APC2: variants seen among roughly 807,000 people sequenced by gnomAD.
APC2 encodes the protein adenomatous polyposis coli protein 2.
In APC2, 41 loss-of-function variants were observed where a neutral mutation model predicts 72.5. The ratio of observed to expected loss-of-function variants is 0.57; its 90% CI spans 0.44 to 0.73. The LOEUF (loss-of-function observed/expected upper bound fraction) is 0.73. APC2 is among the 30% of genes least tolerant of loss of function. The probability of loss-of-function intolerance (pLI) is 0.00; values close to 1 mark genes in which losing one functional copy is unlikely to be tolerated. For missense variants in APC2, 3,729 were observed against 3,403.4 expected (o/e 1.10, Z -2.38); for synonymous variants, 1,898 against 1,612.0 (o/e 1.18, Z -4.25).
chr19:1,459,043 C>T (rs1336941471), intron 10 of APC2, among the ~76,000 whole-genome samples: 1 of 152,004 alleles, frequency 6.6e-6, no homozygotes, highest in Non-Finnish European at 1.5e-5. Flanking sequence ...GTCCCCAGCC[C>T]CTGGCACCCA....
chr19:1,456,756 C>T (rs1174936343), intron 8 of APC2, 97 bp from the exon 9 acceptor site: 1 of 1,429,608 alleles, frequency 7.0e-7, no homozygotes, highest in African/African-American at 1.4e-5. Flanking sequence ...GTGGGGCTGC[C>T]CTTGGGGACG....
Position 1,468,736 on chromosome 19 carries a change from G to A in APC2, c.5435G>A (p.Arg1812His), listed in dbSNP as rs1555678951. The change falls in exon 15 of 15, where the codon CGC becomes CAC. Residue 1812 changes from arginine (R) to histidine (H), a missense_variant. Arg to His is a conservative substitution (Grantham distance 29, BLOSUM62 0). Transcript: ENST00000590469. ...RAQPKGTPGP[R>H]ATPRKVAPPC... ...CAGCCCAAAGGGACCCCCGGCCCCC[G>A]CGCCACACCGCGGAAGGTGGCGCCC... 2.0e-6 allele frequency: 3 copies of A among 1,499,180 alleles called. No homozygotes were observed. Among genetic ancestry groups the A allele is most frequent in the Non-Finnish European group, 2.7e-6 (3 of 1,121,282 alleles). The allele number at this position is 1,499,180 out of a possible 1,614,324, so 92.9% of individuals were successfully genotyped here. A position where few individuals can be genotyped will look rare whatever the true frequency, so the allele number is the denominator to read the frequency against.
chr19:1,466,237 C>G lies in APC2; in HGVS notation c.2936C>G (p.Pro979Arg), dbSNP rs770352053. 3 of 1,535,938 alleles carry G rather than the reference C, an allele frequency of 2.0e-6. No homozygotes were observed. Reference protein sequence around the residue: ...LDLPGCQAEPPAREATSADAR... With the variant: ...LDLPGCQAEPRAREATSADAR... The stretch of plus-strand genomic sequence containing the variant: ...CTGCCCGGCTGCCAGGCCGAGCCCC[C>G]GGCCCGCGAGGCCACCTCCGCCGAC... The change falls in exon 15 of 15, where the codon CCG (proline) becomes CGG (arginine). Residue 979 changes from proline (P) to arginine (R), a missense_variant. Coordinates refer to ENST00000590469, the MANE Select transcript of APC2 (RefSeq NM_005883.3).
rs1270868335 is a variant in APC2, at chr19:1,467,382, G to A, written c.4081G>A (p.Ala1361Thr). ...VPARLRKVAS[A>T]LVPGRRALPV... Reference sequence around the variant, plus strand: ...TGCCCGGCTGCGCAAGGTGGCCTCCGCGCTGGTGCCAGGTCGCCGCGCACT... The same window carrying A: ...TGCCCGGCTGCGCAAGGTGGCCTCCACGCTGGTGCCAGGTCGCCGCGCACT... The change falls in exon 15 of 15, where the codon GCG (alanine) becomes ACG (threonine). Residue 1361 changes from alanine to threonine, a missense_variant. Physicochemically the swap from Ala to Thr is moderately conservative, Grantham distance 58. Transcript: ENST00000590469. 7.4e-6 allele frequency: 11 copies of A among 1,486,222 alleles called. No homozygotes were observed. In the Admixed American group the frequency reaches 1.1e-4, roughly 15 times the overall value. 92.1% of individuals were successfully genotyped at this position (1,486,222 alleles called of 1,614,324 possible).
intron 10 of APC2, chr19:1,458,284 G>A: frequency 1.7e-6 from 1 of 576,216 alleles, no homozygotes; most frequent in Non-Finnish European, 3.1e-6. Flanking sequence ...TCTGGTCTGA[G>A]GCTTCGGGGG....
At position 1,466,619 on chromosome 19, in the gene APC2, C is replaced by A. The variant is rs868420439; in HGVS notation, c.3318C>A (p.Ser1106Arg). ...AGGGGCTGGAGGAGGCCGGCCCCAG[C>A]GAGGCTGAGCTGGACAGCACGTGGC... ...SLEGLEEAGP[S>R]EAELDSTWRA... Residue 1106 changes from serine (S) to arginine (R), a missense_variant, in exon 15 of 15, where the codon AGC (serine) becomes AGA (arginine). Coordinates refer to ENST00000590469, the MANE Select transcript of APC2 (RefSeq NM_005883.3). The A allele has an allele frequency of 3.3e-6, 5 of 1,523,270 alleles. No individual in the cohort carries two copies. Among genetic ancestry groups the A allele is most frequent in the Non-Finnish European group, 4.4e-6 (5 of 1,139,428 alleles). The allele number at this position is 1,523,270 out of a possible 1,614,324, so 94.4% of individuals were successfully genotyped here. A position where few individuals can be genotyped will look rare whatever the true frequency, so the allele number is the denominator to read the frequency against.
At chr19:1,449,575 G>A (rs575402515), upstream of APC2, among the ~76,000 whole-genome samples, 4 of 152,190 alleles carry the variant, frequency 2.6e-5, no homozygotes, top group South Asian at 8.3e-4. Flanking sequence ...CTCCGTTGGG[G>A]AGACAGGGAG....
chr19:1,467,079 A>G lies in APC2; in HGVS notation c.3778A>G (p.Ser1260Gly), dbSNP rs746352139. The G allele has an allele frequency of 3.7e-6, 6 of 1,610,908 alleles. No homozygotes were observed. In the African/African-American group the frequency reaches 8.0e-5, roughly 22 times the overall value. ...GCTGCCATCTGAGCTGGACGCAGGC[A>G]GCGTGCGCTTTACCGTGGAGAAGCC... ...CRLPSELDAG[S>G]VRFTVEKPDE... The change falls in exon 15 of 15, where the codon AGC becomes GGC. Residue 1260 changes from serine (S) to glycine (G), a missense_variant. Transcript: ENST00000590469.
Position 1,457,062 on chromosome 19 carries a change from C to T in APC2, c.1026C>T (p.Asp342=). 6.5e-7 allele frequency: 1 copy of T among 1,541,600 alleles called. No individual in the cohort carries two copies. Among genetic ancestry groups the T allele is most frequent in the Non-Finnish European group, 8.7e-7 (1 of 1,150,650 alleles). ...AGAPGAPGAK[D]ARMRANAALH... is the part of the protein sequence containing the mutation. ...CCCCAGGGGCACCGGGCGCCAAGGA[C>T]GCACGCATGCGCGCCAACGCGGCGC... is the stretch of plus-strand genomic sequence containing the variant. The change falls in exon 9 of 15, where the codon GAC becomes GAT. Residue 342 remains aspartate (D), a synonymous_variant. Coordinates refer to ENST00000590469, the MANE Select transcript of APC2 (RefSeq NM_005883.3).
In APC2 at chr19:1,460,163, C is replaced by A; in HGVS notation, c.1304-18C>A. 6.2e-7 allele frequency: 1 copy of A among 1,612,992 alleles called. No individual in the cohort carries two copies. The highest frequency in any genetic ancestry group is 8.5e-7 in the Non-Finnish European group (1 of 1,179,966). ...AGGGTCATCCCTGCCACCCACCAACCTTGTTGGGTCCTCACAGGTGGGCTG... is the reference window on the plus strand; with the variant it reads ...AGGGTCATCCCTGCCACCCACCAACATTGTTGGGTCCTCACAGGTGGGCTG... On this transcript the variant is annotated intron_variant, in intron 10 of 14. Transcript: ENST00000590469.
rs1257236020 is a variant in APC2, at chr19:1,465,538, G to A, written c.2237G>A (p.Gly746Asp). 2 of 1,530,866 alleles carry A rather than the reference G, an allele frequency of 1.3e-6. No individual in the cohort carries two copies. Among genetic ancestry groups the A allele is most frequent in the East Asian group, 2.5e-5 (1 of 40,282 alleles). The allele number at this position is 1,530,866 out of a possible 1,614,324, so 94.8% of individuals were successfully genotyped here. ...AQALEHLEKQ[G>D]PPAAEAATKK... Reference sequence around the variant, plus strand: ...GCGCTGGAGCACCTGGAGAAGCAGGGCCCGCCGGCAGCCGAGGCCGCCACT... The same window carrying A: ...GCGCTGGAGCACCTGGAGAAGCAGGACCCGCCGGCAGCCGAGGCCGCCACT... The change falls in exon 15 of 15, where the codon GGC becomes GAC. Residue 746 changes from glycine (G) to aspartate (D), a missense_variant. Physicochemically the swap from Gly to Asp is moderately conservative, Grantham distance 94. Coordinates refer to ENST00000590469, the MANE Select transcript of APC2 (RefSeq NM_005883.3).
chr19:1,469,941 C>A lies in APC2; in HGVS notation c.6640C>A (p.Pro2214Thr). The change falls in exon 15 of 15, where the codon CCC becomes ACC. Residue 2214 changes from proline to threonine, a missense_variant. Transcript: ENST00000590469. ...GTCCCCGAGCCTGGAGACCAGGGAG[C>A]CCCCCGGGGCCCCCGCCGGCGGCCA... The part of the protein sequence containing the change: ...STSPSLETRE[P>T]PGAPAGGQLS... 2.0e-6 allele frequency: 3 copies of A among 1,509,580 alleles called. No individual in the cohort carries two copies. Among genetic ancestry groups the A allele is most frequent in the Non-Finnish European group, 2.6e-6 (3 of 1,135,800 alleles). The allele number at this position is 1,509,580 out of a possible 1,614,324, so 93.5% of individuals were successfully genotyped here.
At chr19:1,465,021 C>T (rs1389181368) in intron 14 of APC2, 134 bp from the exon 15 acceptor site, 4 of 890,202 alleles carry the variant, frequency 4.5e-6, no homozygotes, top group Non-Finnish European at 6.6e-6. Flanking sequence ...TATACTTATA[C>T]CAAAAATTAG....
Position 1,457,069 on chromosome 19 carries a change from A to G in APC2, c.1033A>G (p.Met345Val). The change falls in exon 9 of 15, where the codon ATG becomes GTG. Residue 345 changes from methionine to valine, a missense_variant. Transcript: ENST00000590469. ...PGAPGAKDAR[M>V]RANAALHNIV... ...GGCACCGGGCGCCAAGGACGCACGC[A>G]TGCGCGCCAACGCGGCGCTGCACAA... The G allele has an allele frequency of 6.5e-7, 1 of 1,549,796 alleles. No homozygotes were observed.
rs1193570267 is a variant in APC2 at position 1,456,344 on chromosome 19, C to T, written c.756C>T (p.Asp252=). Residue 252 remains aspartate, a synonymous_variant, in exon 8 of 15, where the codon GAC becomes GAT. Transcript: ENST00000590469. ...LAVKSVPVDE[D]PETEVPTHPE... The stretch of plus-strand genomic sequence containing the variant: ...TGAAGTCGGTGCCGGTGGACGAGGA[C>T]CCCGAGACAGAGGTCCCCACACACC... 1 of 1,609,374 alleles carries T rather than the reference C, an allele frequency of 6.2e-7. No individual in the cohort carries two copies. Among genetic ancestry groups the T allele is most frequent in the Non-Finnish European group, 8.5e-7 (1 of 1,178,712 alleles).
chr19:1,469,590 A>G lies in APC2; in HGVS notation c.6289A>G (p.Lys2097Glu). Residue 2097 changes from lysine to glutamate, a missense_variant, in exon 15 of 15, where the codon AAG (lysine) becomes GAG (glutamate). Transcript: ENST00000590469. Reference sequence around the variant, plus strand: ...GCCCGCCGCCCGGCCGGAGACTGTCAAGCGCTACGCGTCGCTGCCGCACAT... The same window carrying G: ...GCCCGCCGCCCGGCCGGAGACTGTCGAGCGCTACGCGTCGCTGCCGCACAT... ...RAPAARPETVKRYASLPHISV... is the reference protein window; with the variant it reads ...RAPAARPETVERYASLPHISV... The G allele has an allele frequency of 7.9e-7, 1 of 1,260,214 alleles. No individual in the cohort carries two copies. The highest frequency in any genetic ancestry group is 1.8e-5 in the South Asian group (1 of 54,466). The allele number at this position is 1,260,214 out of a possible 1,614,324, so 78.1% of individuals were successfully genotyped here.
intron 14 of APC2, among the ~76,000 whole-genome samples, chr19:1,462,575 A>C (rs1487341076): frequency 6.7e-6 from 1 of 149,484 alleles, no homozygotes; most frequent in Non-Finnish European, 1.5e-5. Context: ...GAATCGTTTG[A>C]ACCCAGGAGG....
Position 1,467,674 on chromosome 19 carries a change from C to A in APC2, c.4373C>A (p.Ala1458Glu), listed in dbSNP as rs1273537617. The stretch of plus-strand genomic sequence containing the variant: ...CGCAGCGCGGAGCAGTCTCGGGGCG[C>A]GGGCAAGAACAGAGCAGGGCTGGAG... ...AGRSAEQSRG[A>E]GKNRAGLELP... The change falls in exon 15 of 15, where the codon GCG becomes GAG. Residue 1458 changes from alanine to glutamate, a missense_variant. Coordinates refer to ENST00000590469, the MANE Select transcript of APC2 (RefSeq NM_005883.3). 1.4e-6 allele frequency: 2 copies of A among 1,475,784 alleles called. No homozygotes were observed. The highest frequency in any genetic ancestry group is 1.8e-6 in the Non-Finnish European group (2 of 1,121,572). The allele number at this position is 1,475,784 out of a possible 1,614,324, so 91.4% of individuals were successfully genotyped here. A position where few individuals can be genotyped will look rare whatever the true frequency, so the allele number is the denominator to read the frequency against.
chr19:1,458,013 T>G lies in APC2; in HGVS notation c.1256T>G (p.Met419Arg). The G allele has an allele frequency of 6.4e-7, 1 of 1,567,816 alleles. No homozygotes were observed. Among genetic ancestry groups the G allele is most frequent in the Non-Finnish European group, 8.7e-7 (1 of 1,155,170 alleles). Residue 419 changes from methionine to arginine, a missense_variant, in exon 10 of 15, where the codon ATG becomes AGG. Met to Arg is a moderately conservative substitution (Grantham distance 91, BLOSUM62 -1). Coordinates refer to ENST00000590469, the MANE Select transcript of APC2 (RefSeq NM_005883.3). The stretch of plus-strand genomic sequence containing the variant: ...ATCTGCCAGGCCACCTGTGCTGTTA[T>G]GAAGCTGTCCTTTGATGAGGAGTAC... ...PQICQATCAV[M>R]KLSFDEEYRR... is the part of the protein sequence containing the mutation.
Sources: allele counts gnomAD v4.1 joint callset (sites outside exome capture counted in the v4.1 genomes callset), GRCh38; gene constraint gnomAD v4.1.1; transcripts MANE v1.5; gene names NCBI Gene and HGNC (gene_info 2026-07-23, HGNC 2026-07-21).